CRACD: variants seen among roughly 807,000 people sequenced by gnomAD.
CRACD encodes the protein capping protein inhibiting regulator of actin dynamics.
Under a neutral mutation model 106.8 loss-of-function variants are expected in CRACD, and 56 were observed. That is an observed-to-expected ratio of 0.52 (90% CI 0.42 to 0.66). The LOEUF (loss-of-function observed/expected upper bound fraction) is 0.66, where lower values mean the gene tolerates loss of function less well. Ranked by LOEUF, CRACD falls within the 30% of genes least tolerant of loss-of-function variation. CRACD has a pLI of 0.00. For missense variants in CRACD, 1,730 were observed against 1,623.2 expected (o/e 1.07, Z -1.13); for synonymous variants, 754 against 670.8 (o/e 1.12, Z -1.92).
At chr4:56,284,949 T>C (rs1283488377) in intron 3 of CRACD, among the ~76,000 whole-genome samples, 1 of 152,192 alleles carries the variant, frequency 6.6e-6, no homozygotes, top group Non-Finnish European at 1.5e-5. Context: ...TAGTCTGTTT[T>C]CACACTGCTA....
intron 4 of CRACD, chr4:56,301,254 C>T (rs1377001645): frequency 1.6e-5 from 21 of 1,283,742 alleles, no homozygotes; most frequent in African/African-American, 3.0e-5. Flanking sequence ...CCTGGTAAGT[C>T]GTAGAAGTGA....
At position 56,328,726 on chromosome 4, in the gene CRACD, T is replaced by G. The variant is rs1282738880; in HGVS notation, c.*922T>G. 1.3e-5 allele frequency: 2 copies of G among 158,756 alleles called. No homozygotes were observed. The highest frequency in any genetic ancestry group is 2.8e-5 in the Non-Finnish European group (2 of 72,232). The allele number at this position is 158,756 out of a possible 1,614,324, so 9.8% of individuals were successfully genotyped here. A position where few individuals can be genotyped will look rare whatever the true frequency, so the allele number is the denominator to read the frequency against. On this transcript the variant is annotated 3_prime_UTR_variant, in exon 11 of 11. Transcript: ENST00000682029. ...GTCAGTTCTGATAGATCCCAAAGGT[T>G]AAGAACTGTGAGAAACACTGATCCT...
At chr4:56,112,264 A>G (rs993105929) in intron 1 of CRACD, among the ~76,000 whole-genome samples, 1 of 152,164 alleles carries the variant, frequency 6.6e-6, no homozygotes, top group Admixed American at 6.6e-5. Flanking sequence ...CCAAGTGAGG[A>G]GAATCGGGCA....
chr4:56,094,649 T>C (rs149544202), intron 1 of CRACD, among the ~76,000 whole-genome samples: 2,521 of 152,264 alleles, frequency 0.017, 34 homozygotes, highest in Non-Finnish European at 0.022. Flanking sequence ...AAACTGGGTT[T>C]CGCCATGTTG....
chr4:56,176,624 A>G (rs1270991501), intron 1 of CRACD, among the ~76,000 whole-genome samples: 1 of 151,782 alleles, frequency 6.6e-6, no homozygotes, highest in African/African-American at 2.4e-5. Flanking sequence ...TTTGGTAGAG[A>G]TGGGGTTTCA....
At chr4:56,063,247 G>A (rs998693229) in intron 1 of CRACD, among the ~76,000 whole-genome samples, 1 of 151,576 alleles carries the variant, frequency 6.6e-6, no homozygotes, top group Admixed American at 6.6e-5. Flanking sequence ...AGGCTGGCAT[G>A]CAGTGGTGCG....
chr4:56,111,945 A>T (rs972349179), intron 1 of CRACD, among the ~76,000 whole-genome samples: 1 of 152,246 alleles, frequency 6.6e-6, no homozygotes, highest in African/African-American at 2.4e-5. Flanking sequence ...AAGCACGACC[A>T]TGCATACATT....
At chr4:56,114,273 G>C (rs987102514) in intron 1 of CRACD, among the ~76,000 whole-genome samples, 1 of 151,542 alleles carries the variant, frequency 6.6e-6, no homozygotes, top group Non-Finnish European at 1.5e-5. Flanking sequence ...TAAGAACCGG[G>C]CCTGCAAGGA....
chr4:56,138,232 G>A (rs1482704383), intron 1 of CRACD, among the ~76,000 whole-genome samples: 1 of 152,156 alleles, frequency 6.6e-6, no homozygotes, highest in African/African-American at 2.4e-5. Context: ...GGGAGGCTGA[G>A]GTGGATGGAT....
intron 1 of CRACD, among the ~76,000 whole-genome samples, chr4:56,060,785 G>T (rs1732244269): frequency 6.6e-6 from 1 of 152,142 alleles, no homozygotes; most frequent in South Asian, 2.1e-4. Flanking sequence ...GAATCCTGAT[G>T]AATAGGATAA....
chr4:56,310,874 T>G lies in CRACD; in HGVS notation c.354+140T>G, dbSNP rs1577895678. 2.8e-5 allele frequency: 17 copies of G among 610,932 alleles called. No homozygotes were observed. In the East Asian group the frequency reaches 4.9e-4, roughly 18 times the overall value. The allele number at this position is 610,932 out of a possible 1,614,324, so 37.8% of individuals were successfully genotyped here. On this transcript the variant is annotated intron_variant, in intron 6 of 10. Coordinates refer to ENST00000682029, the MANE Select transcript of CRACD (RefSeq NM_001393381.1). ...TTCATATATTTAAATTCCTTCAGAA[T>G]GCCACTAGTGACAGATGTTGGAGCA...
chr4:56,227,614 C>G (rs1739373512), intron 2 of CRACD, among the ~76,000 whole-genome samples: 1 of 152,132 alleles, frequency 6.6e-6, no homozygotes. Flanking sequence ...CTTTACGGGC[C>G]ACATAGACCG....
At chr4:56,179,992 G>A (rs375381048) in intron 2 of CRACD, among the ~76,000 whole-genome samples, 53 of 152,032 alleles carry the variant, frequency 3.5e-4, no homozygotes, top group African/African-American at 8.4e-4. Context: ...ACTCCAGCCC[G>A]GGCAATAGAG....
chr4:56,313,960 G>T, intron 7 of CRACD, 80 bp from the exon 8 acceptor site: 1 of 1,519,384 alleles, frequency 6.6e-7, no homozygotes, highest in Non-Finnish European at 8.8e-7. Flanking sequence ...TAAGAGGGTC[G>T]CTGGCACTGT....
intron 2 of CRACD, among the ~76,000 whole-genome samples, chr4:56,252,179 T>C (rs1175902679): frequency 6.6e-6 from 1 of 152,192 alleles, no homozygotes; most frequent in Non-Finnish European, 1.5e-5. Flanking sequence ...AAGATTCCTC[T>C]TAGTCCAAAA....
chr4:56,205,455 A>G (rs1441430722), intron 2 of CRACD, among the ~76,000 whole-genome samples: 1 of 152,186 alleles, frequency 6.6e-6, no homozygotes, highest in Non-Finnish European at 1.5e-5. Flanking sequence ...ACAGTTGTCC[A>G]AAATGGAATA....
chr4:56,159,152 T>G (rs1046288713), intron 1 of CRACD, among the ~76,000 whole-genome samples: 4 of 152,218 alleles, frequency 2.6e-5, no homozygotes, highest in Non-Finnish European at 4.4e-5. Flanking sequence ...AAAAGTTACT[T>G]AAAGGAAAAG....
At chr4:56,199,449 C>T (rs1186798017) in intron 2 of CRACD, among the ~76,000 whole-genome samples, 2 of 151,946 alleles carry the variant, frequency 1.3e-5, no homozygotes, top group East Asian at 1.9e-4. Context: ...TTTGGGAGGC[C>T]GAGGCGGGTG....
At chr4:56,292,768 C>G (rs898092083) in intron 3 of CRACD, among the ~76,000 whole-genome samples, 2 of 152,152 alleles carry the variant, frequency 1.3e-5, no homozygotes, top group African/African-American at 2.4e-5. Flanking sequence ...TCGTGATCCA[C>G]CTGCCTCGGC....
Sources: allele counts gnomAD v4.1 joint callset (sites outside exome capture counted in the v4.1 genomes callset), GRCh38; gene constraint gnomAD v4.1.1; transcripts MANE v1.5; gene names NCBI Gene and HGNC (gene_info 2026-07-23, HGNC 2026-07-21).